The following DCBLD2 variants were observed in gnomAD, a reference collection of about 807,000 sequenced individuals.
DCBLD2 encodes discoidin, CUB and LCCL domain containing 2.
In DCBLD2, 54 loss-of-function variants were observed where a neutral mutation model predicts 86.8. The ratio of observed to expected loss-of-function variants is 0.62; its 90% CI spans 0.50 to 0.78. DCBLD2 has a LOEUF of 0.78. Ranked by LOEUF, DCBLD2 falls within the 30% of genes least tolerant of loss-of-function variation. The pLI is 0.00. For missense variants in DCBLD2, 908 were observed against 954.2 expected (o/e 0.95, Z 0.64); for synonymous variants, 354 against 341.3 (o/e 1.04, Z -0.41).
chr3:98,870,319 T>G (rs1276888541), intron 2 of DCBLD2, among the ~76,000 whole-genome samples: 1 of 152,204 alleles, frequency 6.6e-6, no homozygotes, highest in African/African-American at 2.4e-5. Flanking sequence ...TTATACCAGT[T>G]GTCATACTGT....
chr3:98,838,154 C>A, intron 3 of DCBLD2, among the ~76,000 whole-genome samples: 1 of 127,942 alleles, frequency 7.8e-6, no homozygotes, highest in South Asian at 2.9e-4. Flanking sequence ...CTGACCCCCC[C>A]CACCTCCCTC....
intron 2 of DCBLD2, among the ~76,000 whole-genome samples, chr3:98,864,987 T>C (rs1045269304): frequency 7.9e-5 from 12 of 152,010 alleles, no homozygotes; most frequent in African/African-American, 2.7e-4. Context: ...GTGGAGAAAA[T>C]GGTACACTTC....
chr3:98,819,334 G>T lies in DCBLD2; in HGVS notation c.955C>A (p.His319Asn). 2 of 1,613,758 alleles carry T rather than the reference G, an allele frequency of 1.2e-6. No individual in the cohort carries two copies. The highest frequency in any genetic ancestry group is 1.7e-6 in the Non-Finnish European group (2 of 1,179,788). ...TTCCAACTGTTCTCTTGCCCTGTGTGGTCAGTCCACTCCAGCACAGATGAT... is the reference window on the plus strand; with the variant it reads ...TTCCAACTGTTCTCTTGCCCTGTGTTGTCAGTCCACTCCAGCACAGATGAT... The part of the protein sequence containing the change: ...TASSVLEWTD[H>N]TGQENSWKPK... Residue 319 changes from histidine (H) to asparagine (N), a missense_variant, in exon 8 of 16, where the codon CAC (histidine) becomes AAC (asparagine). Physicochemically the swap from His to Asn is moderately conservative, Grantham distance 68 (BLOSUM62 1). This residue lies in a region of DCBLD2 where 606 missense variants were observed against 678.5 expected (regional missense o/e 0.89). Transcript: ENST00000326840.
chr3:98,881,714 T>C lies in DCBLD2; in HGVS notation c.259A>G (p.Ile87Val), dbSNP rs1408776689. The C allele has an allele frequency of 6.2e-7, 1 of 1,613,990 alleles. No individual in the cohort carries two copies. Among genetic ancestry groups the C allele is most frequent in the Non-Finnish European group, 8.5e-7 (1 of 1,179,894 alleles). The change falls in exon 2 of 16, where the codon ATA (isoleucine) becomes GTA (valine). Residue 87 changes from isoleucine to valine, a missense_variant. Coordinates refer to ENST00000326840, the MANE Select transcript of DCBLD2 (RefSeq NM_080927.4). Reference sequence around the variant, plus strand: ...TTGGGATAGGTCTGTGGGTAGTTTATGGATGTAAGGGTTCCACTCTCAGGG... The same window carrying C: ...TTGGGATAGGTCTGTGGGTAGTTTACGGATGTAAGGGTTCCACTCTCAGGG... ...LGPESGTLTS[I>V]NYPQTYPNST...
intron 2 of DCBLD2, among the ~76,000 whole-genome samples, chr3:98,850,765 C>T (rs1434770946): frequency 6.6e-6 from 1 of 152,166 alleles, no homozygotes; most frequent in Non-Finnish European, 1.5e-5. Flanking sequence ...AACAAAACCT[C>T]TCTAGAACTA....
At chr3:98,849,666 A>C in intron 2 of DCBLD2, 68 bp from the exon 3 acceptor site, 2 of 1,527,070 alleles carry the variant, frequency 1.3e-6, no homozygotes, top group South Asian at 2.4e-5. Context: ...TGCAATGTAG[A>C]TAACAGAAGC....
chr3:98,881,185 C>T (rs745727071), intron 2 of DCBLD2, among the ~76,000 whole-genome samples: 4 of 149,094 alleles, frequency 2.7e-5, no homozygotes, highest in Non-Finnish European at 5.9e-5. Flanking sequence ...ACCCAGGAGG[C>T]GGAGGTTGCA....
chr3:98,822,200 A>G, intron 6 of DCBLD2, 28 bp downstream of exon 6: 3 of 1,611,970 alleles, frequency 1.9e-6, no homozygotes, highest in Non-Finnish European at 2.5e-6. Context: ...TATATAGCAT[A>G]TATTTTTTAA....
intron 1 of DCBLD2, among the ~76,000 whole-genome samples, chr3:98,893,646 A>C (rs962214711): frequency 8.5e-5 from 13 of 152,202 alleles, no homozygotes; most frequent in Admixed American, 4.6e-4. Context: ...AAAAGCAGAG[A>C]TACAAGGTAC....
intron 3 of DCBLD2, among the ~76,000 whole-genome samples, chr3:98,836,666 G>A (rs1942460889): frequency 2.5e-5 from 3 of 122,434 alleles, no homozygotes; most frequent in Non-Finnish European, 3.7e-5. Flanking sequence ...TCCCAGTAGG[G>A]GCGGCCGGGC....
intron 12 of DCBLD2, 145 bp from the exon 13 acceptor site, chr3:98,808,319 T>C: frequency 6.0e-6 from 4 of 662,386 alleles, no homozygotes; most frequent in Non-Finnish European, 7.2e-6. Flanking sequence ...AGACTGGGCA[T>C]GTGGTGGTAA....
intron 12 of DCBLD2, 62 bp from the exon 13 acceptor site, chr3:98,808,236 A>G: frequency 2.2e-6 from 3 of 1,393,724 alleles, no homozygotes; most frequent in Non-Finnish European, 2.9e-6. Context: ...GGCAGAAATC[A>G]CTAGGGAAAA....
At chr3:98,870,140 T>C (rs1388905082) in intron 2 of DCBLD2, among the ~76,000 whole-genome samples, 2 of 152,210 alleles carry the variant, frequency 1.3e-5, no homozygotes, top group Non-Finnish European at 2.9e-5. Context: ...AGGGAACCAG[T>C]TTCATTCTTC....
intron 7 of DCBLD2, among the ~76,000 whole-genome samples, chr3:98,819,868 A>G (rs1045755114): frequency 2.6e-5 from 4 of 152,160 alleles, no homozygotes; most frequent in African/African-American, 9.7e-5. Context: ...CTTATCATCA[A>G]TCTCTCACTA....
rs16840268 is a variant in DCBLD2, at chr3:98,886,531, C to T, written c.206-4764G>A. On this transcript the variant is annotated intron_variant, in intron 1 of 15. Transcript: ENST00000326840. The stretch of plus-strand genomic sequence containing the variant: ...TCTCCTTCTCCAAACTCCATCAGCA[C>T]TATCACTGACAGGTTCTCTTTTTCA... Among the ~76,000 whole-genome samples, 948 of 152,180 alleles carry T rather than the reference C, an allele frequency of 6.2e-3. 6 individuals are homozygous for T. The highest frequency in any genetic ancestry group is 0.021 in the African/African-American group (872 of 41,540).
At chr3:98,817,446 G>A (rs982959083) in intron 9 of DCBLD2, among the ~76,000 whole-genome samples, 1 of 152,020 alleles carries the variant, frequency 6.6e-6, no homozygotes, top group East Asian at 1.9e-4. Context: ...ATCATCTGGT[G>A]AATTGAAAAA....
At chr3:98,843,357 C>T (rs1942654951) in intron 3 of DCBLD2, among the ~76,000 whole-genome samples, 1 of 151,906 alleles carries the variant, frequency 6.6e-6, no homozygotes, top group African/African-American at 2.4e-5. Flanking sequence ...ATTTGGAACC[C>T]AATATAAAAA....
intron 2 of DCBLD2, among the ~76,000 whole-genome samples, chr3:98,859,748 G>A (rs1050449636): frequency 1.3e-5 from 2 of 152,040 alleles, no homozygotes; most frequent in African/African-American, 4.8e-5. Context: ...AAAGACCAAA[G>A]GTAGATAAAA....
Position 98,873,732 on chromosome 3 carries a change from T to G in DCBLD2, c.433+7808A>C, listed in dbSNP as rs186372939. 3.2e-3 allele frequency among the ~76,000 whole-genome samples: 492 copies of G among 152,142 alleles called. 3 individuals carry two copies. The highest frequency in any genetic ancestry group is 8.4e-3 in the African/African-American group (347 of 41,538). On this transcript the variant is annotated intron_variant, in intron 2 of 15. Transcript: ENST00000326840. ...CAGTTAACAAAGTAAAAAAAAAATT[T>G]TAAATCATGAAAATAGAGATTAATA...
Sources: allele counts gnomAD v4.1 joint callset (sites outside exome capture counted in the v4.1 genomes callset), GRCh38; gene constraint gnomAD v4.1.1; regional missense constraint gnomAD v4.1.1; transcripts MANE v1.5; gene names NCBI Gene and HGNC (gene_info 2026-07-23, HGNC 2026-07-21).